The following DEPDC1 variants were observed in gnomAD, a reference collection of about 807,000 sequenced individuals.
DEPDC1 encodes the protein DEP domain containing 1.
In DEPDC1, 66 loss-of-function variants were observed where a neutral mutation model predicts 86.8. The ratio of observed to expected loss-of-function variants is 0.76; its 90% CI spans 0.62 to 0.93. DEPDC1 has a LOEUF of 0.93. Ranked by LOEUF, DEPDC1 falls within the 40% of genes least tolerant of loss-of-function variation. The pLI is 0.00. For synonymous variants in DEPDC1, 255 were observed against 314.9 expected, an observed-to-expected ratio of 0.81 and a Z score of 2.02; for missense variants, 792 against 935.7, an observed-to-expected ratio of 0.85 and a Z score of 2.00.
chr1:68,496,822 C>T lies in DEPDC1; in HGVS notation c.48+130G>A. ...CGCTACTTCTCCTCGCCAGCCTTTT[C>T]ACTGAACCTAGGGATCCTGGGACTC... On this transcript the variant is annotated intron_variant, in intron 1 of 11. Transcript: ENST00000456315. The surrounding 1 kb of genome is among the most constrained non-coding windows in gnomAD (Gnocchi z 4.0). 1.1e-6 allele frequency: 1 copy of T among 887,140 alleles called. No homozygotes were observed. The highest frequency in any genetic ancestry group is 1.8e-6 in the Non-Finnish European group (1 of 561,792). The allele number at this position is 887,140 out of a possible 1,614,324, so 55.0% of individuals were successfully genotyped here.
intron 9 of DEPDC1, 147 bp from the exon 10 acceptor site, chr1:68,479,467 A>T: frequency 1.8e-6 from 1 of 565,476 alleles, no homozygotes; most frequent in Non-Finnish European, 3.1e-6. Context: ...CGATTTATAC[A>T]GTTAGAAATG....
At chr1:68,493,082 T>TAGGGAG (rs1646240176) in intron 2 of DEPDC1, among the ~76,000 whole-genome samples, 2 of 151,756 alleles carry the variant, frequency 1.3e-5, no homozygotes, top group African/African-American at 4.8e-5. Flanking sequence ...GAAGGTGAAG[T>TAGGGAG]AAGGACAAGG....
intron 2 of DEPDC1, among the ~76,000 whole-genome samples, chr1:68,494,190 T>A (rs1646247963): frequency 6.6e-6 from 1 of 152,216 alleles, no homozygotes; most frequent in South Asian, 2.1e-4. Context: ...AATACATCAG[T>A]ATTTCCCTTC....
chr1:68,491,111 G>T (rs1646226315), intron 2 of DEPDC1, among the ~76,000 whole-genome samples: 1 of 152,124 alleles, frequency 6.6e-6, no homozygotes, highest in South Asian at 2.1e-4. Flanking sequence ...TATCATTCTG[G>T]ACATTAGAAT....
intron 5 of DEPDC1, among the ~76,000 whole-genome samples, chr1:68,487,875 A>G (rs1459034824): frequency 6.6e-6 from 1 of 151,914 alleles, no homozygotes; most frequent in Non-Finnish European, 1.5e-5. Context: ...ATAAATATAT[A>G]AAACAAAAAA....
chr1:68,483,163 C>A, intron 7 of DEPDC1: 1 of 538,048 alleles, frequency 1.9e-6, no homozygotes, highest in Non-Finnish European at 3.4e-6. Context: ...TGGATTGAGC[C>A]AGAATACATT....
rs1427711336 is a variant in DEPDC1 at position 68,481,579 on chromosome 1, A to C, written c.1796T>G (p.Ile599Ser). ...LLQPHLERVA[I>S]DALQLCCLLL... ...CAAACAACATAACTGTAGAGCATCG[A>C]TGGCAACCCTCTCTAAATGAGGTTG... Residue 599 changes from isoleucine (I) to serine (S), a missense_variant, in exon 9 of 12, where the codon ATC (isoleucine) becomes AGC (serine). Transcript: ENST00000456315. The C allele has an allele frequency of 1.2e-6, 2 of 1,608,624 alleles. No individual in the cohort carries two copies.
At position 68,496,307 on chromosome 1, in the gene DEPDC1, T is replaced by G. The variant is rs970865234; in HGVS notation, c.48+645A>C. 3.9e-5 allele frequency among the ~76,000 whole-genome samples: 6 copies of G among 152,144 alleles called. No individual in the cohort carries two copies. Among genetic ancestry groups the G allele is most frequent in the Non-Finnish European group, 5.9e-5 (4 of 68,030 alleles). On this transcript the variant is annotated intron_variant, in intron 1 of 11. Transcript: ENST00000456315. This position sits in a 1 kb window ranked among gnomAD's most constrained non-coding sequence, Gnocchi z 4.0. ...AACAGGCTCACAGAAGGTAGGGGAC[T>G]CACCTAACGTCACATAACCAGCACC...
In DEPDC1 at chr1:68,494,642, T is replaced by G. The variant is rs780087257; in HGVS notation, c.102A>C (p.Arg34Ser). ...AATTGCCATATTTTTTAAAGTGTTG[T>G]CTGTGTTTTCTTAGAGGCATTCCTG... ...FRAGMPLRKH[R>S]QHFKKYGNCF... The change falls in exon 2 of 12, where the codon AGA becomes AGC. Residue 34 changes from arginine (R) to serine (S), a missense_variant. Physicochemically the swap from Arg to Ser is moderately radical, Grantham distance 110. Coordinates refer to ENST00000456315, the MANE Select transcript of DEPDC1 (RefSeq NM_001114120.3). 1.9e-6 allele frequency: 3 copies of G among 1,613,740 alleles called. No individual in the cohort carries two copies.
At position 68,475,081 on chromosome 1, in the gene DEPDC1, G is replaced by A. The variant is rs1386700557; in HGVS notation, c.*1851C>T. ...TTAATCCTCGCAATCCTAAAAAGAG[G>A]TACTATTATAATATTCATTTTATAG... On this transcript the variant is annotated 3_prime_UTR_variant, in exon 12 of 12. Transcript: ENST00000456315. 6.6e-6 allele frequency: 1 copy of A among 151,942 alleles called. No homozygotes were observed. The highest frequency in any genetic ancestry group is 1.9e-4 in the East Asian group (1 of 5,194). The allele number at this position is 151,942 out of a possible 1,614,324, so 9.4% of individuals were successfully genotyped here.
intron 6 of DEPDC1, among the ~76,000 whole-genome samples, chr1:68,484,466 A>C (rs1646178723): frequency 6.6e-6 from 1 of 152,076 alleles, no homozygotes; most frequent in Non-Finnish European, 1.5e-5. Flanking sequence ...TTACATGTTC[A>C]TGAATATATT....
chr1:68,484,301 G>A (rs1646177817), intron 6 of DEPDC1, among the ~76,000 whole-genome samples: 1 of 151,814 alleles, frequency 6.6e-6, no homozygotes, highest in Non-Finnish European at 1.5e-5. Context: ...TTTAACATTT[G>A]TATACCTGAA....
chr1:68,480,234 T>G (rs1029764246), intron 9 of DEPDC1, among the ~76,000 whole-genome samples: 1 of 93,060 alleles, frequency 1.1e-5, no homozygotes, highest in Non-Finnish European at 2.4e-5. Context: ...CTTATATCTA[T>G]GCAACCCTCT....
chr1:68,483,964 A>C lies in DEPDC1; in HGVS notation c.896T>G (p.Phe299Cys). The stretch of plus-strand genomic sequence containing the variant: ...TCTATACATACCCAAAATGTTTACA[A>C]ATAATTCGTAATATTCAAAAGTAAG... ...PLLTFEYYELFVNILVVCGYI... is the reference protein window; with the variant it reads ...PLLTFEYYELCVNILVVCGYI... The change falls in exon 7 of 12, where the codon TTT becomes TGT. Residue 299 changes from phenylalanine (F) to cysteine (C), a missense_variant. Phe to Cys is a radical substitution (Grantham distance 205). Coordinates refer to ENST00000456315, the MANE Select transcript of DEPDC1 (RefSeq NM_001114120.3). 1 of 1,518,960 alleles carries C rather than the reference A, an allele frequency of 6.6e-7. No individual in the cohort carries two copies. The highest frequency in any genetic ancestry group is 1.3e-5 in the South Asian group (1 of 78,966). The allele number at this position is 1,518,960 out of a possible 1,614,324, so 94.1% of individuals were successfully genotyped here. A position where few individuals can be genotyped will look rare whatever the true frequency, so the allele number is the denominator to read the frequency against.
Position 68,497,014 on chromosome 1 carries a change from C to T in DEPDC1, c.-15G>A. On this transcript the variant is annotated 5_prime_UTR_variant, in exon 1 of 12. Transcript: ENST00000456315. ...TGACTCTCCATAGGTCTGTCAGCGC[C>T]CGGTGGCGTCCATGGCGGCGAAGGC... The T allele has an allele frequency of 1.2e-6, 2 of 1,611,144 alleles. No homozygotes were observed. Among genetic ancestry groups the T allele is most frequent in the Non-Finnish European group, 8.5e-7 (1 of 1,178,150 alleles).
intron 10 of DEPDC1, among the ~76,000 whole-genome samples, chr1:68,478,610 A>C (rs1301689854): frequency 6.6e-6 from 1 of 151,958 alleles, no homozygotes; most frequent in Non-Finnish European, 1.5e-5. Flanking sequence ...GACAGAATAC[A>C]GTAGATGTCT....
chr1:68,477,704 AAGT>A, intron 11 of DEPDC1, 80 bp downstream of exon 11: 1 of 895,400 alleles, frequency 1.1e-6, no homozygotes, highest in Non-Finnish European at 1.6e-6. Context: ...TAAAATAAGA[AAGT>A]AGATTCTAAA....
chr1:68,483,117 A>G (rs1571198048), intron 7 of DEPDC1: 1 of 569,792 alleles, frequency 1.8e-6, no homozygotes, highest in East Asian at 3.2e-5. Context: ...CATTTGTAAT[A>G]TAACTTTAAA....
intron 2 of DEPDC1, 69 bp downstream of exon 2, chr1:68,494,356 TAGTAA>T (rs1646249253): frequency 2.3e-6 from 3 of 1,320,222 alleles, no homozygotes; most frequent in Non-Finnish European, 3.1e-6. Flanking sequence ...GCTGCTGTTA[TAGTAA>T]AAGTATAATA....
Sources: allele counts gnomAD v4.1 joint callset (sites outside exome capture counted in the v4.1 genomes callset), GRCh38; gene constraint gnomAD v4.1.1; non-coding constraint Gnocchi (gnomAD v3.1); transcripts MANE v1.5; gene names NCBI Gene and HGNC (gene_info 2026-07-23, HGNC 2026-07-21).